IFT80: variants seen among roughly 807,000 people sequenced by gnomAD.
IFT80 encodes the protein intraflagellar transport protein 80 homolog.
Under a neutral mutation model 107.9 loss-of-function variants are expected in IFT80, and 79 were observed. The ratio of observed to expected loss-of-function variants is 0.73; its 90% confidence interval spans 0.61 to 0.88. IFT80 has a LOEUF of 0.88. Among genes scored for constraint, IFT80 ranks in the 40% least tolerant of loss-of-function variants. The pLI, the probability that IFT80 is intolerant of heterozygous loss-of-function variation, is 0.00. For missense variants in IFT80, 797 were observed against 914.2 expected (o/e 0.87, Z 1.65); for synonymous variants, 299 against 300.9 (o/e 0.99, Z 0.07).
chr3:160,333,854 T>G (rs1719264331), intron 8 of IFT80, among the ~76,000 whole-genome samples: 1 of 152,322 alleles, frequency 6.6e-6, no homozygotes, highest in East Asian at 1.9e-4. Context: ...AACACAGTCA[T>G]CTATTATCAC....
rs182196055 is a variant in IFT80 at position 160,364,220 on chromosome 3, G to A, written c.549+1823C>T. Among the ~76,000 whole-genome samples, 310 of 152,286 alleles carry A rather than the reference G, an allele frequency of 2.0e-3. 6 individuals are homozygous for A. Among genetic ancestry groups the A allele is most frequent in the Non-Finnish European group, 8.2e-4 (56 of 68,026 alleles). On this transcript the variant is annotated intron_variant, in intron 6 of 19. Coordinates refer to ENST00000326448, the MANE Select transcript of IFT80 (RefSeq NM_020800.3). ...TATGAACAGACGCTTCTCAAAAGAA[G>A]ACATTTATGCAGCCAACAGATACAT...
At chr3:160,293,029 C>T (rs368022714) in intron 12 of IFT80, among the ~76,000 whole-genome samples, 4 of 152,124 alleles carry the variant, frequency 2.6e-5, no homozygotes, top group African/African-American at 9.6e-5. Context: ...TGGCTGGTAG[C>T]GGAAATAGCC....
rs1328308378 is a variant in IFT80, at chr3:160,280,785, C to T, written c.1546G>A (p.Asp516Asn). 5 of 1,612,994 alleles carry T rather than the reference C, an allele frequency of 3.1e-6. No individual in the cohort carries two copies. In the African/African-American group the frequency reaches 4.0e-5, roughly 13 times the overall value. The change falls in exon 15 of 20, where the codon GAT (aspartate) becomes AAT (asparagine). Residue 516 changes from aspartate (D) to asparagine (N), a missense_variant. Asp to Asn is a conservative substitution (Grantham distance 23). Transcript: ENST00000326448. Reference sequence around the variant, plus strand: ...AGTCCACAAAGGATATTGCATGTATCGTTCCATGCCAAAGTATGCACCATT... The same window carrying T: ...AGTCCACAAAGGATATTGCATGTATTGTTCCATGCCAAAGTATGCACCATT... ...GTMVHTLAWN[D>N]TCNILCGLQD...
intron 8 of IFT80, among the ~76,000 whole-genome samples, chr3:160,351,428 CTTAGGATA>C (rs1176911158): frequency 6.7e-6 from 1 of 148,616 alleles, no homozygotes; most frequent in African/African-American, 2.4e-5. Context: ...TTATTATTAC[CTTAGGATA>C]AATCCTAAAA....
intron 8 of IFT80, among the ~76,000 whole-genome samples, chr3:160,346,857 A>G (rs1720330234): frequency 6.6e-6 from 1 of 152,002 alleles, no homozygotes; most frequent in Non-Finnish European, 1.5e-5. Flanking sequence ...TTGTTCATAA[A>G]TGAAAGATAT....
intron 6 of IFT80, among the ~76,000 whole-genome samples, chr3:160,359,687 C>T (rs763300790): frequency 1.3e-5 from 2 of 152,200 alleles, no homozygotes; most frequent in Non-Finnish European, 2.9e-5. Flanking sequence ...ATTCTGCAGC[C>T]TCTGCTGGTG....
Position 160,277,345 on chromosome 3 carries a change from T to C in IFT80, c.2060A>G (p.Gln687Arg). The C allele has an allele frequency of 6.2e-7, 1 of 1,613,438 alleles. No individual in the cohort carries two copies. The highest frequency in any genetic ancestry group is 1.1e-5 in the South Asian group (1 of 91,058). Residue 687 changes from glutamine (Q) to arginine (R), a missense_variant, in exon 18 of 20, where the codon CAA (glutamine) becomes CGA (arginine). Transcript: ENST00000326448. ...GAGATTAATATTGATCTGGATTGCT[T>C]GATAAACAAGGCCAGCCTGAAGAAG... ...IVLLQAGLVY[Q>R]AIQININLYN...
intron 19 of IFT80, among the ~76,000 whole-genome samples, chr3:160,267,097 A>T (rs766990529): frequency 6.6e-6 from 1 of 152,184 alleles, no homozygotes; most frequent in Non-Finnish European, 1.5e-5. Context: ...CATGAAACCC[A>T]CAACTTGTAG....
intron 1 of IFT80, among the ~76,000 whole-genome samples, chr3:160,392,237 G>T (rs1260894202): frequency 1.3e-5 from 2 of 152,194 alleles, no homozygotes; most frequent in African/African-American, 4.8e-5. Context: ...GCCTTAAATG[G>T]TAGGCTCAGT....
Position 160,381,867 on chromosome 3 carries a change from A to AT in IFT80, c.38-144dup, listed in dbSNP as rs111650677. 50,219 of 672,018 alleles carry AT rather than the reference A, an allele frequency of 0.075. 3,408 individuals carry two copies. The highest frequency in any genetic ancestry group is 0.28 in the African/African-American group (15,375 of 54,720). The allele number at this position is 672,018 out of a possible 1,614,324, so 41.6% of individuals were successfully genotyped here. On this transcript the variant is annotated intron_variant, in intron 2 of 19. Coordinates refer to ENST00000326448, the MANE Select transcript of IFT80 (RefSeq NM_020800.3). The stretch of plus-strand genomic sequence containing the variant: ...ATGTATTTTCCATTTTATGACTGGT[A>AT]TTTTTTTCTATATAAAAGAAAATAA...
chr3:160,317,836 T>G (rs954856334), intron 9 of IFT80, among the ~76,000 whole-genome samples: 3 of 152,002 alleles, frequency 2.0e-5, no homozygotes, highest in Admixed American at 6.6e-5. Context: ...AGGGGACTCT[T>G]CAGACCAAAA....
At chr3:160,392,466 C>T (rs1480094645) in intron 1 of IFT80, among the ~76,000 whole-genome samples, 1 of 152,120 alleles carries the variant, frequency 6.6e-6, no homozygotes, top group Non-Finnish European at 1.5e-5. Flanking sequence ...AAATCAAAAC[C>T]GTGATTTTCC....
intron 18 of IFT80, among the ~76,000 whole-genome samples, chr3:160,273,724 A>G (rs57843971): frequency 0.21 from 31,329 of 152,074 alleles, 5,091 homozygotes; most frequent in African/African-American, 0.46. Flanking sequence ...GGGCAGAACA[A>G]AAGGCTAGAT....
intron 5 of IFT80, among the ~76,000 whole-genome samples, chr3:160,368,604 T>A (rs1454275151): frequency 1.3e-5 from 2 of 151,684 alleles, no homozygotes; most frequent in South Asian, 4.1e-4. Context: ...CAAAAATAAA[T>A]CTCCAAATGA....
chr3:160,369,574 G>A (rs1438239276), intron 5 of IFT80, among the ~76,000 whole-genome samples: 1 of 151,744 alleles, frequency 6.6e-6, no homozygotes, highest in Non-Finnish European at 1.5e-5. Context: ...GAAATAATTT[G>A]TATTATTATG....
intron 7 of IFT80, among the ~76,000 whole-genome samples, chr3:160,356,909 C>A (rs927488461): frequency 6.6e-6 from 1 of 152,172 alleles, no homozygotes; most frequent in African/African-American, 2.4e-5. Flanking sequence ...TTGCCTCTAA[C>A]TCTAGTTATT....
chr3:160,394,150 C>T (rs1357735817), intron 1 of IFT80: 1 of 152,264 alleles, frequency 6.6e-6, no homozygotes, highest in Non-Finnish European at 1.5e-5. Context: ...GAAGCAGGCT[C>T]ACCATTTCCA....
At chr3:160,270,099 C>T (rs188672659) in intron 18 of IFT80, among the ~76,000 whole-genome samples, 118 of 152,308 alleles carry the variant, frequency 7.7e-4, no homozygotes, top group Non-Finnish European at 1.4e-3. Flanking sequence ...TGCCAGGGTT[C>T]AAGCAATTCT....
At chr3:160,315,838 T>A (rs1319384518) in intron 9 of IFT80, among the ~76,000 whole-genome samples, 6 of 152,126 alleles carry the variant, frequency 3.9e-5, no homozygotes, top group Non-Finnish European at 7.4e-5. Context: ...ATCTTTTTTT[T>A]AGAAAGGGGA....
Sources: gnomAD v4.1 joint callset for allele counts (sites outside exome capture counted in the v4.1 genomes callset) on GRCh38, gnomAD v4.1.1 for gene constraint, MANE v1.5 for transcripts, NCBI Gene and HGNC (gene_info 2026-07-23, HGNC 2026-07-21) for gene names.